The following FGF14 variants were observed in gnomAD, a reference collection of about 807,000 sequenced individuals.
FGF14 encodes the protein fibroblast growth factor homologous factor 4.
In FGF14, 5 loss-of-function variants were observed where a neutral mutation model predicts 25.5. That is an observed-to-expected ratio of 0.20 (90% CI 0.10 to 0.41). The LOEUF (loss-of-function observed/expected upper bound fraction) is 0.41, where lower values mean the gene tolerates loss of function less well. Ranked by LOEUF, FGF14 falls within the 10% of genes least tolerant of loss-of-function variation. FGF14 has a pLI of 1.00. For synonymous variants in FGF14, 138 were observed against 118.3 expected, an observed-to-expected ratio of 1.17 and a Z score of -1.08; for missense variants, 222 against 320.1, an observed-to-expected ratio of 0.69 and a Z score of 2.34.
intron 1 of FGF14, among the ~76,000 whole-genome samples, chr13:102,220,489 C>T (rs1033626340): frequency 3.9e-5 from 6 of 152,152 alleles, no homozygotes; most frequent in South Asian, 2.1e-4. Flanking sequence ...AGTTTCAAGA[C>T]ATTAGATATA....
At chr13:102,177,286 C>G (rs1050084463) in intron 1 of FGF14, among the ~76,000 whole-genome samples, 1 of 152,172 alleles carries the variant, frequency 6.6e-6, no homozygotes, top group African/African-American at 2.4e-5. Flanking sequence ...GAGTTTGAGT[C>G]TGGGTAAGCC....
intron 1 of FGF14, among the ~76,000 whole-genome samples, chr13:102,133,063 T>C (rs498626): frequency 0.026 from 3,972 of 152,306 alleles, 174 homozygotes; most frequent in African/African-American, 0.091. Flanking sequence ...CCTACAATTA[T>C]ATTGAAATGG....
At chr13:102,063,811 A>G (rs1269131723) in intron 1 of FGF14, among the ~76,000 whole-genome samples, 1 of 152,204 alleles carries the variant, frequency 6.6e-6, no homozygotes, top group African/African-American at 2.4e-5. Context: ...TAATATGCCT[A>G]TGTATTTCCC....
intron 1 of FGF14, among the ~76,000 whole-genome samples, chr13:102,085,853 T>C (rs1385952008): frequency 4.6e-5 from 7 of 152,190 alleles, no homozygotes; most frequent in Non-Finnish European, 8.8e-5. Flanking sequence ...CACTCTACCT[T>C]ATATATGGAG....
intron 3 of FGF14, among the ~76,000 whole-genome samples, chr13:101,771,192 C>G (rs970965959): frequency 6.6e-6 from 1 of 151,924 alleles, no homozygotes. Context: ...GATTCAAGCC[C>G]CTACAGTGTT....
chr13:102,294,849 T>C (rs1212918208), intron 1 of FGF14, among the ~76,000 whole-genome samples: 1 of 152,190 alleles, frequency 6.6e-6, no homozygotes, highest in Non-Finnish European at 1.5e-5. Flanking sequence ...TGCCTCAGTT[T>C]CCTGATCTAC....
At chr13:102,161,570 A>AAGAAGAAGAAGAAAGAAGAAGAAAGAAG in intron 1 of FGF14, among the ~76,000 whole-genome samples, 6 of 5,650 alleles carry the variant, frequency 1.1e-3, no homozygotes, top group Non-Finnish European at 4.8e-4. Flanking sequence ...TTCTGTGAAG[A>AAGAAGAAGAAGAAAGAAGAAGAAAGAAG]AAGAAAGAAG....
At chr13:102,352,391 A>G (rs896740542) in intron 1 of FGF14, among the ~76,000 whole-genome samples, 1 of 152,132 alleles carries the variant, frequency 6.6e-6, no homozygotes, top group South Asian at 2.1e-4. Flanking sequence ...CATGGGGGGA[A>G]TTTTAGCTAC....
intron 1 of FGF14, among the ~76,000 whole-genome samples, chr13:102,163,729 T>C (rs1292733874): frequency 6.6e-6 from 1 of 151,830 alleles, no homozygotes; most frequent in East Asian, 1.9e-4. Context: ...GGAGCCTGGA[T>C]TGGGAAGATT....
At chr13:101,821,624 T>A (rs762772851) in intron 3 of FGF14, among the ~76,000 whole-genome samples, 3 of 152,212 alleles carry the variant, frequency 2.0e-5, no homozygotes, top group Non-Finnish European at 4.4e-5. Flanking sequence ...CAAAATGTTT[T>A]CCCAAATGGT....
chr13:102,134,801 C>T (rs2046338737), intron 1 of FGF14, among the ~76,000 whole-genome samples: 1 of 152,082 alleles, frequency 6.6e-6, no homozygotes, highest in African/African-American at 2.4e-5. Context: ...AATTAAACAA[C>T]AAAAATCTCT....
intron 3 of FGF14, among the ~76,000 whole-genome samples, chr13:101,756,877 T>A (rs1366952148): frequency 6.6e-6 from 1 of 152,234 alleles, no homozygotes; most frequent in African/African-American, 2.4e-5. Context: ...TTATTAAAGA[T>A]CAAATTTTAA....
At chr13:102,093,894 A>G (rs1447077793) in intron 1 of FGF14, among the ~76,000 whole-genome samples, 2 of 151,670 alleles carry the variant, frequency 1.3e-5, no homozygotes, top group East Asian at 3.9e-4. Context: ...GCAGGCATGA[A>G]CATCTTGGAC....
intron 1 of FGF14, among the ~76,000 whole-genome samples, chr13:101,897,090 C>CT (rs2030805642): frequency 6.6e-6 from 1 of 152,086 alleles, no homozygotes; most frequent in East Asian, 1.9e-4. Context: ...ACATGGTATG[C>CT]TAGGATATAT....
upstream of FGF14, among the ~76,000 whole-genome samples, chr13:101,917,339 C>T (rs2033635074): frequency 6.6e-6 from 1 of 151,994 alleles, no homozygotes; most frequent in Admixed American, 6.5e-5. Flanking sequence ...TGTACCTCTT[C>T]AGAAAGAAAC....
chr13:102,166,576 GCT>G (rs1207060837), intron 1 of FGF14, among the ~76,000 whole-genome samples: 1 of 152,096 alleles, frequency 6.6e-6, no homozygotes, highest in Non-Finnish European at 1.5e-5. Context: ...TGGTGATGTT[GCT>G]GTTTAAAACG....
At position 101,714,435 on chromosome 13, in the gene FGF14, C is replaced by T; in HGVS notation, c.*8396G>A. ...TGGTGAGTAATAGCCTTTGTAATTT[C>T]AGGTTCTTGTCATTGTGGGAAGTGC... On this transcript the variant is annotated 3_prime_UTR_variant, in exon 5 of 5. Coordinates refer to ENST00000376143, the MANE Select transcript of FGF14 (RefSeq NM_004115.4). The T allele has an allele frequency of 6.4e-7, 1 of 1,552,634 alleles. No individual in the cohort carries two copies.
At chr13:102,151,392 A>G (rs1205049064) in intron 1 of FGF14, among the ~76,000 whole-genome samples, 1 of 152,156 alleles carries the variant, frequency 6.6e-6, no homozygotes, top group East Asian at 1.9e-4. Flanking sequence ...GGCTTCCATC[A>G]TCTTCTTACG....
At chr13:102,196,901 T>C (rs944988794) in intron 1 of FGF14, among the ~76,000 whole-genome samples, 2 of 151,686 alleles carry the variant, frequency 1.3e-5, no homozygotes, top group African/African-American at 2.4e-5. Context: ...AGAATGACTG[T>C]TACCAGTGGT....
Sources: allele counts gnomAD v4.1 joint callset (sites outside exome capture counted in the v4.1 genomes callset), GRCh38; gene constraint gnomAD v4.1.1; transcripts MANE v1.5; gene names NCBI Gene and HGNC (gene_info 2026-07-23, HGNC 2026-07-21).